Variants in TUSC3 observed in about 807,000 individuals in gnomAD.
The protein encoded by TUSC3 is tumor suppressor candidate 3, also known as dolichyl-diphosphooligosaccharide--protein glycosyltransferase subunit TUSC3.
TUSC3 carries 45 observed loss-of-function variants against 44.8 expected under a neutral mutation model. The observed-to-expected ratio is 1.00, with a 90% confidence interval of 0.79 to 1.29. The LOEUF is 1.29. Among genes scored for constraint, TUSC3 ranks in the 50% most tolerant of loss-of-function variants. TUSC3 has a pLI of 0.00. For synonymous variants in TUSC3, 212 were observed against 152.9 expected (o/e 1.39, Z -2.85); for missense variants, 519 against 437.9 (o/e 1.19, Z -1.65).
At chr8:15,427,229 C>CTTTTTTTTTTTT (rs765417646) in intron 1 of TUSC3, among the ~76,000 whole-genome samples, 1 of 144,718 alleles carries the variant, frequency 6.9e-6, no homozygotes. Context: ...AAGGTTTTTC[C>CTTTTTTTTTTTT]TTTTTTTTTT....
At chr8:15,754,336 A>C (rs553413187) in intron 9 of TUSC3, among the ~76,000 whole-genome samples, 8 of 137,312 alleles carry the variant, frequency 5.8e-5, no homozygotes, top group Admixed American at 2.3e-4. Flanking sequence ...GACAGAAATA[A>C]ATACATTGAA....
At chr8:15,710,088 C>T (rs940152729) in intron 6 of TUSC3, among the ~76,000 whole-genome samples, 3 of 151,792 alleles carry the variant, frequency 2.0e-5, no homozygotes, top group African/African-American at 7.2e-5. Context: ...TTAGTGCGCT[C>T]CCCTCCCTGC....
At chr8:15,505,579 A>T (rs1801041282) in intron 2 of TUSC3, among the ~76,000 whole-genome samples, 1 of 152,138 alleles carries the variant, frequency 6.6e-6, no homozygotes, top group African/African-American at 2.4e-5. Flanking sequence ...AGTATGTCCC[A>T]AGCTTGTCTG....
chr8:15,617,029 C>T (rs1181128793), intron 1 of TUSC3, among the ~76,000 whole-genome samples: 2 of 152,122 alleles, frequency 1.3e-5, no homozygotes, highest in Non-Finnish European at 2.9e-5. Context: ...TGAAAGAATC[C>T]TGTGTAATCA....
intron 1 of TUSC3, among the ~76,000 whole-genome samples, chr8:15,544,128 A>G (rs1801782571): frequency 1.3e-5 from 2 of 152,150 alleles, no homozygotes; most frequent in African/African-American, 4.8e-5. Context: ...TTAAAAACTG[A>G]TTTTTGAATC....
the TUSC3 span, among the ~76,000 whole-genome samples, chr8:15,831,762 C>G: frequency 3.9e-5 from 6 of 151,976 alleles, no homozygotes; most frequent in Non-Finnish European, 8.8e-5. Context: ...TGAAAAGGGA[C>G]AAACAAAATC....
At chr8:15,752,032 G>C (rs1811726933) in intron 9 of TUSC3, among the ~76,000 whole-genome samples, 1 of 152,092 alleles carries the variant, frequency 6.6e-6, no homozygotes. Context: ...TCTTCTGTTT[G>C]GAGAAAATAC....
chr8:15,812,233 A>G, the TUSC3 span, among the ~76,000 whole-genome samples: 3 of 152,208 alleles, frequency 2.0e-5, no homozygotes, highest in African/African-American at 7.2e-5. Flanking sequence ...CTGTTTCTAC[A>G]GCTAGAGGAT....
At chr8:15,463,695 C>T (rs1344571796) in intron 1 of TUSC3, among the ~76,000 whole-genome samples, 1 of 152,116 alleles carries the variant, frequency 6.6e-6, no homozygotes, top group Non-Finnish European at 1.5e-5. Context: ...TTATCTTTTT[C>T]ATTCACCTGC....
At chr8:15,515,516 T>C (rs1801204804) in intron 2 of TUSC3, among the ~76,000 whole-genome samples, 1 of 152,160 alleles carries the variant, frequency 6.6e-6, no homozygotes, top group Admixed American at 6.5e-5. Context: ...AAATTTTCCT[T>C]GGTTCATTAA....
chr8:15,583,070 A>C (rs187725825), intron 1 of TUSC3, among the ~76,000 whole-genome samples: 1 of 152,332 alleles, frequency 6.6e-6, no homozygotes, highest in East Asian at 1.9e-4. Flanking sequence ...ATATGACTGG[A>C]ATACAAATGA....
At chr8:15,810,814 C>T in the TUSC3 span, among the ~76,000 whole-genome samples, 61 of 152,226 alleles carry the variant, frequency 4.0e-4, no homozygotes, top group African/African-American at 1.4e-3. Context: ...CTTCCATTGT[C>T]CAAATACAGG....
intron 3 of TUSC3, among the ~76,000 whole-genome samples, chr8:15,657,318 A>C (rs1807218402): frequency 6.6e-6 from 1 of 152,176 alleles, no homozygotes; most frequent in African/African-American, 2.4e-5. Flanking sequence ...ATATGCATTT[A>C]AAGTAAGCCA....
intron 6 of TUSC3, among the ~76,000 whole-genome samples, chr8:15,711,331 T>C (rs1271656239): frequency 6.6e-6 from 1 of 151,734 alleles, no homozygotes; most frequent in East Asian, 1.9e-4. Context: ...TTTTTTCAAA[T>C]ATTATTTAGA....
At chr8:15,623,500 A>G (rs548733639) in intron 2 of TUSC3, among the ~76,000 whole-genome samples, 1 of 152,204 alleles carries the variant, frequency 6.6e-6, no homozygotes, top group East Asian at 1.9e-4. Context: ...TCATCTTGAT[A>G]TCCTGCAGAT....
chr8:15,750,242 G>A (rs912987518), intron 9 of TUSC3, among the ~76,000 whole-genome samples: 1 of 152,020 alleles, frequency 6.6e-6, no homozygotes, highest in Non-Finnish European at 1.5e-5. Flanking sequence ...GCCTCCCAAA[G>A]TGCTGGGATT....
Position 15,743,907 on chromosome 8 carries a change from C to T in TUSC3, c.937+295C>T, listed in dbSNP as rs111652504. 2.2e-3 allele frequency among the ~76,000 whole-genome samples: 339 copies of T among 152,016 alleles called. 2 individuals carry two copies. The highest frequency in any genetic ancestry group is 7.8e-3 in the African/African-American group (325 of 41,502). On this transcript the variant is annotated intron_variant, in intron 8 of 10. Coordinates refer to ENST00000503731, the MANE Select transcript of TUSC3 (RefSeq NM_006765.4). ...GAAGCCATAGTCTTGGTTGTAATTCCACCCGGCACAGAGAGATGGAAAATT... is the reference window on the plus strand; with the variant it reads ...GAAGCCATAGTCTTGGTTGTAATTCTACCCGGCACAGAGAGATGGAAAATT...
chr8:15,791,118 T>C, the TUSC3 span, among the ~76,000 whole-genome samples: 3 of 152,114 alleles, frequency 2.0e-5, no homozygotes, highest in Non-Finnish European at 4.4e-5. Context: ...AAATTCACAA[T>C]ATTCCCCCAC....
At chr8:15,751,580 G>A (rs766884168) in intron 9 of TUSC3, among the ~76,000 whole-genome samples, 1 of 152,162 alleles carries the variant, frequency 6.6e-6, no homozygotes. Flanking sequence ...GAACTTTGAA[G>A]CCAGTCTACC....
Sources: gnomAD v4.1 joint callset for allele counts (sites outside exome capture counted in the v4.1 genomes callset) on GRCh38, gnomAD v4.1.1 for gene constraint, MANE v1.5 for transcripts, NCBI Gene and HGNC (gene_info 2026-07-23, HGNC 2026-07-21) for gene names.